Variants in ARAP2 observed in about 807,000 individuals in gnomAD.
ARAP2 encodes arf-GAP with Rho-GAP domain, ANK repeat and PH domain-containing protein 2.
A neutral mutation model predicts 194.5 loss-of-function variants in ARAP2; 148 were observed. The observed-to-expected ratio is 0.76, with a 90% CI of 0.67 to 0.87. The LOEUF (loss-of-function observed/expected upper bound fraction) is 0.87. Ranked by LOEUF, ARAP2 falls within the 40% of genes least tolerant of loss-of-function variation. ARAP2 has a pLI of 0.00. For missense variants in ARAP2, 2,128 were observed against 1,989.7 expected (o/e 1.07, Z -1.32); for synonymous variants, 695 against 683.5 (o/e 1.02, Z -0.26).
At chr4:36,150,672 C>T (rs534980388) in intron 16 of ARAP2, among the ~76,000 whole-genome samples, 1 of 151,826 alleles carries the variant, frequency 6.6e-6, no homozygotes, top group African/African-American at 2.4e-5. Flanking sequence ...AGATTTGATT[C>T]GAAGATGCTA....
rs1034902885 is a variant in ARAP2 at position 36,133,287 on chromosome 4, C to T, written c.3366G>A (p.Gln1122=). Residue 1122 remains glutamine, a synonymous_variant, in exon 20 of 33, where the codon CAG becomes CAA. Coordinates refer to ENST00000303965, the MANE Select transcript of ARAP2 (RefSeq NM_015230.4). ...TAATGGGAACGTCATTTTTGCTGAG[C>T]TGCTGATCTTGTAAAGCATTACCAT... ...GTDGNALQDQ[Q]LSKNDVPIIV... 6.2e-7 allele frequency: 1 copy of T among 1,611,356 alleles called. No homozygotes were observed.
chr4:36,099,106 A>G (rs1475149112), intron 27 of ARAP2, among the ~76,000 whole-genome samples: 1 of 148,792 alleles, frequency 6.7e-6, no homozygotes, highest in Non-Finnish European at 1.5e-5. Context: ...CCATGTGTCC[A>G]TATGTTCTCA....
intron 28 of ARAP2, among the ~76,000 whole-genome samples, chr4:36,084,610 T>C (rs979002556): frequency 6.6e-6 from 1 of 152,288 alleles, no homozygotes; most frequent in African/African-American, 2.4e-5. Context: ...AGAGCAATTA[T>C]ATTTTCTTTA....
Position 36,216,101 on chromosome 4 carries a change from C to T in ARAP2, c.906-1621G>A, listed in dbSNP as rs1306474649. Among the ~76,000 whole-genome samples, 21 of 147,428 alleles carry T rather than the reference C, an allele frequency of 1.4e-4. No homozygotes were observed. In the South Asian group the frequency reaches 3.4e-3, roughly 24 times the overall value. On this transcript the variant is annotated intron_variant, in intron 2 of 32. Coordinates refer to ENST00000303965, the MANE Select transcript of ARAP2 (RefSeq NM_015230.4). ...TCTCTACAAAAAAAAAAAAAAACAA[C>T]GAAAATTAGCTGGGTGTGGTGGTGC...
chr4:36,118,347 A>G (rs934938304), intron 24 of ARAP2, among the ~76,000 whole-genome samples: 4 of 151,126 alleles, frequency 2.6e-5, no homozygotes, highest in Non-Finnish European at 5.9e-5. Context: ...ATGAAATAAA[A>G]AAGAAGAATA....
At chr4:36,010,555 C>T (rs1274404818) in intron 9 of ARAP2, among the ~76,000 whole-genome samples, 2 of 152,112 alleles carry the variant, frequency 1.3e-5, no homozygotes, top group Non-Finnish European at 2.9e-5. Flanking sequence ...GCCTCTTAGG[C>T]ACTGGATACA....
chr4:36,165,844 T>C (rs188317506), intron 10 of ARAP2, among the ~76,000 whole-genome samples: 9 of 152,308 alleles, frequency 5.9e-5, no homozygotes, highest in Non-Finnish European at 1.2e-4. Flanking sequence ...CCCACAAAAC[T>C]GATTCATATT....
rs375207777 is a variant in ARAP2 at position 36,067,903 on chromosome 4, T to C, written c.*4A>G. On this transcript the variant is annotated 3_prime_UTR_variant, in exon 33 of 33. Transcript: ENST00000303965. Reference sequence around the variant, plus strand: ...ATAATCTGGGGAGCAATTCATTTTATTTCCTACTTCAAAATCTGCTCATCC... The same window carrying C: ...ATAATCTGGGGAGCAATTCATTTTACTTCCTACTTCAAAATCTGCTCATCC... 5.8e-6 allele frequency: 9 copies of C among 1,562,316 alleles called. No homozygotes were observed. Among genetic ancestry groups the C allele is most frequent in the Non-Finnish European group, 7.8e-6 (9 of 1,153,326 alleles).
At chr4:36,047,646 A>G (rs1560318001) in intron 3 of ARAP2, among the ~76,000 whole-genome samples, 1 of 152,146 alleles carries the variant, frequency 6.6e-6, no homozygotes, top group Non-Finnish European at 1.5e-5. Flanking sequence ...CTTATTCCTG[A>G]GGTTACCACT....
intron 5 of ARAP2, 47 bp from the exon 6 acceptor site, chr4:36,210,790 T>A: frequency 2.2e-6 from 3 of 1,336,038 alleles, no homozygotes; most frequent in Non-Finnish European, 3.1e-6. Context: ...ATATGTGATT[T>A]AAGACATCAG....
At chr4:36,105,674 C>T (rs1360266519) in intron 27 of ARAP2, among the ~76,000 whole-genome samples, 2 of 149,238 alleles carry the variant, frequency 1.3e-5, no homozygotes, top group Non-Finnish European at 3.0e-5. Context: ...TAAACCAGCG[C>T]AATCTACACC....
chr4:36,213,411 G>A, intron 3 of ARAP2, 92 bp from the exon 4 acceptor site: 2 of 907,836 alleles, frequency 2.2e-6, no homozygotes, highest in Non-Finnish European at 1.7e-6. Flanking sequence ...GTTTTTTATG[G>A]CATTATCACA....
At chr4:36,156,417 A>G (rs58506547) in intron 15 of ARAP2, among the ~76,000 whole-genome samples, 122 of 5,860 alleles carry the variant, frequency 0.021, 13 homozygotes, top group East Asian at 0.042. Flanking sequence ...GAAAGAAAGA[A>G]AGAAAGAAAG....
chr4:36,203,233 A>G (rs1744803827), intron 6 of ARAP2, among the ~76,000 whole-genome samples: 2 of 152,136 alleles, frequency 1.3e-5, no homozygotes, highest in Non-Finnish European at 2.9e-5. Context: ...GAATCAAATA[A>G]AAGTCTACAT....
intron 13 of ARAP2, among the ~76,000 whole-genome samples, chr4:36,159,907 A>G (rs1733519157): frequency 1.3e-5 from 2 of 152,238 alleles, no homozygotes; most frequent in African/African-American, 4.8e-5. Flanking sequence ...CAATCTAATC[A>G]GGAGCTGCAG....
chr4:36,239,015 T>A (rs190495144), intron 1 of ARAP2, among the ~76,000 whole-genome samples: 304 of 152,330 alleles, frequency 2.0e-3, no homozygotes, highest in African/African-American at 6.8e-3. Context: ...GGCTCACGCC[T>A]GTAATCCCCA....
intron 15 of ARAP2, among the ~76,000 whole-genome samples, chr4:36,151,381 G>A (rs536888342): frequency 2.0e-4 from 30 of 152,140 alleles, no homozygotes; most frequent in Non-Finnish European, 4.0e-4. Context: ...AAACAAAAAC[G>A]TAGCATGAAA....
At chr4:36,240,128 C>A (rs1295858765) in intron 1 of ARAP2, among the ~76,000 whole-genome samples, 1 of 151,980 alleles carries the variant, frequency 6.6e-6, no homozygotes, top group African/African-American at 2.4e-5. Context: ...TATAGTATTT[C>A]TATTAGAATT....
chr4:36,013,354 T>G (rs1013750599), intron 8 of ARAP2, among the ~76,000 whole-genome samples: 1 of 152,202 alleles, frequency 6.6e-6, no homozygotes, highest in Non-Finnish European at 1.5e-5. Flanking sequence ...AAATAGTTGC[T>G]GCTAGTATAA....
Sources: allele counts gnomAD v4.1 joint callset (sites outside exome capture counted in the v4.1 genomes callset), GRCh38; gene constraint gnomAD v4.1.1; transcripts MANE v1.5; gene names NCBI Gene and HGNC (gene_info 2026-07-23, HGNC 2026-07-21).